ARHGAP18: variants seen among roughly 807,000 people sequenced by gnomAD.
ARHGAP18 encodes rho GTPase-activating protein 18.
ARHGAP18 carries 67 observed loss-of-function variants against 86.2 expected under a neutral mutation model. The ratio of observed to expected loss-of-function variants is 0.78; its 90% CI spans 0.64 to 0.95. ARHGAP18 has a LOEUF of 0.95. Ranked by LOEUF, ARHGAP18 falls within the 40% of genes least tolerant of loss-of-function variation. The pLI, the probability that ARHGAP18 is intolerant of heterozygous loss-of-function variation, is 0.00. For synonymous variants in ARHGAP18, 283 were observed against 280.4 expected (o/e 1.01, Z -0.09); for missense variants, 691 against 780.4 (o/e 0.89, Z 1.37).
At chr6:129,692,277 G>A (rs1774541998) in intron 1 of ARHGAP18, among the ~76,000 whole-genome samples, 1 of 152,088 alleles carries the variant, frequency 6.6e-6, no homozygotes, top group Non-Finnish European at 1.5e-5. Context: ...CTCCTCAAAG[G>A]CAGGCTGTCC....
At chr6:129,588,363 G>A (rs942997323) in intron 12 of ARHGAP18, among the ~76,000 whole-genome samples, 14 of 152,272 alleles carry the variant, frequency 9.2e-5, no homozygotes, top group South Asian at 8.3e-4. Flanking sequence ...TGATCCACCC[G>A]CCTTGGCCTC....
intron 1 of ARHGAP18, among the ~76,000 whole-genome samples, chr6:129,667,469 A>ATGTGTGTGTGTGTGTGTG (rs376500003): frequency 2.9e-5 from 3 of 104,236 alleles, no homozygotes; most frequent in East Asian, 5.8e-4. Context: ...AAAAATATAT[A>ATGTGTGTGTGTGTGTGTG]TGTGTGTGTG....
chr6:129,591,645 T>C (rs1409288024), intron 12 of ARHGAP18, among the ~76,000 whole-genome samples: 1 of 152,298 alleles, frequency 6.6e-6, no homozygotes, highest in Non-Finnish European at 1.5e-5. Flanking sequence ...GCATTGCTCA[T>C]ATTTTTGCAC....
At chr6:129,698,885 G>A (rs1371273382) in intron 1 of ARHGAP18, among the ~76,000 whole-genome samples, 1 of 152,070 alleles carries the variant, frequency 6.6e-6, no homozygotes, top group Non-Finnish European at 1.5e-5. Flanking sequence ...TAGAGACGGG[G>A]TTTCGCCACG....
chr6:129,617,716 G>A (rs979049646), intron 6 of ARHGAP18, among the ~76,000 whole-genome samples: 5 of 151,986 alleles, frequency 3.3e-5, no homozygotes, highest in Non-Finnish European at 5.9e-5. Flanking sequence ...TCTATTTTAC[G>A]TTTGGAGAAG....
At chr6:129,708,313 G>A (rs1040924974) in intron 1 of ARHGAP18, among the ~76,000 whole-genome samples, 4 of 152,186 alleles carry the variant, frequency 2.6e-5, no homozygotes, top group Non-Finnish European at 5.9e-5. Context: ...ACCTGGAGCT[G>A]TGGCCCCACA....
intron 6 of ARHGAP18, among the ~76,000 whole-genome samples, chr6:129,617,650 A>C (rs888026933): frequency 1.3e-4 from 19 of 151,968 alleles, no homozygotes; most frequent in African/African-American, 4.6e-4. Context: ...AAAAAAAAAA[A>C]CTCTTAGCCA....
intron 1 of ARHGAP18, among the ~76,000 whole-genome samples, chr6:129,699,799 C>A (rs947337360): frequency 6.6e-6 from 1 of 152,166 alleles, no homozygotes; most frequent in Non-Finnish European, 1.5e-5. Flanking sequence ...AGCAAAGCAG[C>A]CTGCTTTTAT....
intron 1 of ARHGAP18, among the ~76,000 whole-genome samples, chr6:129,687,215 C>A (rs1214176999): frequency 6.6e-6 from 1 of 152,020 alleles, no homozygotes; most frequent in Non-Finnish European, 1.5e-5. Flanking sequence ...AGTTTCTATG[C>A]ACCCCACCTT....
chr6:129,661,796 C>T lies in ARHGAP18; in HGVS notation c.114-19778G>A, dbSNP rs1030833963. The T allele has an allele frequency of 4.0e-5, 33 of 830,234 alleles. No individual in the cohort carries two copies. The African/African-American group carries it at 4.2e-4, about 11-fold the overall frequency. The allele number at this position is 830,234 out of a possible 1,614,324, so 51.4% of individuals were successfully genotyped here. On this transcript the variant is annotated intron_variant, in intron 1 of 14. Coordinates refer to ENST00000368149, the MANE Select transcript of ARHGAP18 (RefSeq NM_033515.3). The stretch of plus-strand genomic sequence containing the variant: ...ACAAATAACGTGCAGGGTATCCGTT[C>T]GGCCCTCCACCCTCAGCCCATCCCA...
chr6:129,616,131 T>G (rs928786532), intron 7 of ARHGAP18, 81 bp downstream of exon 7: 2 of 1,116,578 alleles, frequency 1.8e-6, no homozygotes, highest in African/African-American at 1.6e-5. Flanking sequence ...ATTGGAAAAC[T>G]GTATTATAAT....
At chr6:129,678,643 A>AAAAC (rs1427379192) in intron 1 of ARHGAP18, among the ~76,000 whole-genome samples, 2 of 152,136 alleles carry the variant, frequency 1.3e-5, no homozygotes, top group Non-Finnish European at 2.9e-5. Context: ...AGCTTCACCA[A>AAAAC]AAACAAACAA....
intron 1 of ARHGAP18, among the ~76,000 whole-genome samples, chr6:129,686,893 C>T (rs147880372): frequency 0.011 from 1,697 of 149,930 alleles, 29 homozygotes; most frequent in African/African-American, 0.038. Flanking sequence ...TAGGTTCAAG[C>T]GATCCTCCTG....
intron 1 of ARHGAP18, among the ~76,000 whole-genome samples, chr6:129,707,526 T>C (rs1774820863): frequency 6.6e-6 from 1 of 152,104 alleles, no homozygotes; most frequent in Non-Finnish European, 1.5e-5. Context: ...TGGAGTGCAG[T>C]GGCGTGATCT....
chr6:129,668,287 T>C (rs73776355), intron 1 of ARHGAP18, among the ~76,000 whole-genome samples: 3,587 of 151,738 alleles, frequency 0.024, 133 homozygotes, highest in African/African-American at 0.083. Context: ...AGGGTATCAG[T>C]GCATGGAGCA....
At chr6:129,654,244 T>C (rs1321247949) in intron 1 of ARHGAP18, among the ~76,000 whole-genome samples, 2 of 152,064 alleles carry the variant, frequency 1.3e-5, no homozygotes, top group Admixed American at 1.3e-4. Context: ...GAAAAACACT[T>C]TTAATAAGGA....
At chr6:129,645,944 T>C (rs1402480340) in intron 1 of ARHGAP18, among the ~76,000 whole-genome samples, 2 of 152,306 alleles carry the variant, frequency 1.3e-5, no homozygotes, top group East Asian at 3.9e-4. Flanking sequence ...CGTGATACAT[T>C]TTCCACCTGG....
At chr6:129,661,972 C>CCA (rs5879958) in intron 1 of ARHGAP18, 21,771 of 879,440 alleles carry the variant, frequency 0.025, 114 homozygotes, top group African/African-American at 0.042. Flanking sequence ...CCTGGTGTTG[C>CCA]CACACACACA....
chr6:129,704,337 G>A (rs1774769911), intron 1 of ARHGAP18, among the ~76,000 whole-genome samples: 1 of 151,900 alleles, frequency 6.6e-6, no homozygotes, highest in Non-Finnish European at 1.5e-5. Context: ...CCCAGCTACT[G>A]GGGAGCCTGA....
Sources: allele counts gnomAD v4.1 joint callset (sites outside exome capture counted in the v4.1 genomes callset), GRCh38; gene constraint gnomAD v4.1.1; transcripts MANE v1.5; gene names NCBI Gene and HGNC (gene_info 2026-07-23, HGNC 2026-07-21).